RNF43: variants seen among roughly 807,000 people sequenced by gnomAD.
The protein encoded by RNF43 is E3 ubiquitin-protein ligase RNF43.
Under a neutral mutation model 78.4 loss-of-function variants are expected in RNF43, and 37 were observed. The observed-to-expected ratio is 0.47, with a 90% confidence interval of 0.36 to 0.62. The LOEUF (loss-of-function observed/expected upper bound fraction) is 0.62. RNF43 is among the 20% of genes least tolerant of loss of function. The pLI is 0.00. For synonymous variants in RNF43, 347 were observed against 395.0 expected, an observed-to-expected ratio of 0.88 and a Z score of 1.44; for missense variants, 774 against 1,007.9, an observed-to-expected ratio of 0.77 and a Z score of 3.14.
rs763391386 is a variant in RNF43, at chr17:58,358,862, C to T, written c.953-39G>A. 109 of 1,451,452 alleles carry T rather than the reference C, an allele frequency of 7.5e-5. No individual in the cohort carries two copies. The highest frequency in any genetic ancestry group is 9.4e-5 in the Non-Finnish European group (104 of 1,105,424). 89.9% of individuals were successfully genotyped at this position (1,451,452 alleles called of 1,614,324 possible). A position where few individuals can be genotyped will look rare whatever the true frequency, so the allele number is the denominator to read the frequency against. On this transcript the variant is annotated intron_variant, in intron 8 of 9. Coordinates refer to ENST00000407977, the MANE Select transcript of RNF43 (RefSeq NM_017763.6). The surrounding 1 kb of genome is among the most constrained non-coding windows in gnomAD (Gnocchi z 6.2). ...CCAAGAGCACAGATGTTTAACTCTACAAACCTACAGAGAATGCATTCAGAA... is the reference window on the plus strand; with the variant it reads ...CCAAGAGCACAGATGTTTAACTCTATAAACCTACAGAGAATGCATTCAGAA...
chr17:58,372,932 G>C (rs1247466450), intron 2 of RNF43, among the ~76,000 whole-genome samples: 1 of 152,206 alleles, frequency 6.6e-6, no homozygotes, highest in Admixed American at 6.5e-5. Flanking sequence ...TGGCACGAAA[G>C]GGAAGGCAGG....
intron 4 of RNF43, 53 bp from the exon 5 acceptor site, chr17:58,363,459 T>C (rs2143471619): frequency 6.2e-7 from 1 of 1,613,548 alleles, no homozygotes; most frequent in Middle Eastern, 1.7e-4. Context: ...TGCCCTTCCC[T>C]CTCCCCTGAG....
chr17:58,392,509 G>A (rs1250299051), intron 2 of RNF43, among the ~76,000 whole-genome samples: 5 of 152,138 alleles, frequency 3.3e-5, no homozygotes, highest in South Asian at 2.1e-4. Context: ...CAACTAAGAT[G>A]TATAAATCTA....
At position 58,358,859 on chromosome 17, in the gene RNF43, C is replaced by T. The variant is rs1053558307; in HGVS notation, c.953-36G>A. Reference sequence around the variant, plus strand: ...GAACCAAGAGCACAGATGTTTAACTCTACAAACCTACAGAGAATGCATTCA... The same window carrying T: ...GAACCAAGAGCACAGATGTTTAACTTTACAAACCTACAGAGAATGCATTCA... On this transcript the variant is annotated intron_variant, in intron 8 of 9. Coordinates refer to ENST00000407977, the MANE Select transcript of RNF43 (RefSeq NM_017763.6). The surrounding 1 kb of genome is among the most constrained non-coding windows in gnomAD (Gnocchi z 6.2). 6.9e-7 allele frequency: 1 copy of T among 1,451,630 alleles called. No homozygotes were observed. The highest frequency in any genetic ancestry group is 1.4e-5 in the African/African-American group (1 of 70,164). 89.9% of individuals were successfully genotyped at this position (1,451,630 alleles called of 1,614,324 possible).
rs1474428175 is a variant in RNF43 at position 58,357,257 on chromosome 17, C to A, written c.2308+211G>T. 1 of 742,584 alleles carries A rather than the reference C, an allele frequency of 1.3e-6. No individual in the cohort carries two copies. The highest frequency in any genetic ancestry group is 1.7e-5 in the African/African-American group (1 of 57,902). The allele number at this position is 742,584 out of a possible 1,614,324, so 46.0% of individuals were successfully genotyped here. A position where few individuals can be genotyped will look rare whatever the true frequency, so the allele number is the denominator to read the frequency against. The stretch of plus-strand genomic sequence containing the variant: ...CTCCCTGGGACCTCCCTGTGATCTG[C>A]CAACTAAAGGGGTAGCACCTGGCAG... On this transcript the variant is annotated intron_variant, in intron 9 of 9. Coordinates refer to ENST00000407977, the MANE Select transcript of RNF43 (RefSeq NM_017763.6). The surrounding 1 kb of genome is among the most constrained non-coding windows in gnomAD (Gnocchi z 4.5).
Position 58,415,626 on chromosome 17 carries a change from G to A in RNF43, c.-49C>T, listed in dbSNP as rs1974108221. On this transcript the variant is annotated 5_prime_UTR_variant, in exon 2 of 10. Transcript: ENST00000407977. ...TCAACCATACATACTGCTTCCACTAGCTAATACCAAATGCAGGTTCTCAGA... is the reference window on the plus strand; with the variant it reads ...TCAACCATACATACTGCTTCCACTAACTAATACCAAATGCAGGTTCTCAGA... 5.0e-6 allele frequency: 8 copies of A among 1,585,046 alleles called. No homozygotes were observed. The highest frequency in any genetic ancestry group is 6.8e-6 in the Non-Finnish European group (8 of 1,169,108).
At chr17:58,371,064 G>A (rs2143517037) in intron 2 of RNF43, 31 bp from the exon 3 acceptor site, 3 of 1,534,430 alleles carry the variant, frequency 2.0e-6, no homozygotes, top group Non-Finnish European at 2.6e-6. Context: ...GGGTTAGGGA[G>A]GCTTTAGGCA....
Position 58,357,040 on chromosome 17 carries a change from C to T in RNF43, c.2308+428G>A, listed in dbSNP as rs1044648319. 1.7e-6 allele frequency: 1 copy of T among 600,498 alleles called. No homozygotes were observed. The highest frequency in any genetic ancestry group is 3.0e-6 in the Non-Finnish European group (1 of 336,564). The allele number at this position is 600,498 out of a possible 1,614,324, so 37.2% of individuals were successfully genotyped here. A position where few individuals can be genotyped will look rare whatever the true frequency, so the allele number is the denominator to read the frequency against. On this transcript the variant is annotated intron_variant, in intron 9 of 9. Transcript: ENST00000407977. The surrounding 1 kb of genome is among the most constrained non-coding windows in gnomAD (Gnocchi z 4.5). ...TCCTGAGTAGCTGGGATTATAAGTG[C>T]CCGCCACCATACCCGGCTAATTTTT...
At chr17:58,376,370 T>TAA (rs11381216) in intron 2 of RNF43, among the ~76,000 whole-genome samples, 88 of 151,632 alleles carry the variant, frequency 5.8e-4, no homozygotes, top group African/African-American at 1.1e-3. Context: ...TTAGATTTGA[T>TAA]AAAAAAAATA....
chr17:58,360,776 G>A lies in RNF43; in HGVS notation c.849+7C>T, dbSNP rs1179455206. The A allele has an allele frequency of 6.2e-7, 1 of 1,607,230 alleles. No homozygotes were observed. On this transcript the variant is annotated splice_region_variant and intron_variant, in intron 7 of 9. Coordinates refer to ENST00000407977, the MANE Select transcript of RNF43 (RefSeq NM_017763.6). This position sits in a 1 kb window ranked among gnomAD's most constrained non-coding sequence, Gnocchi z 4.3. ...GTCATGGAGGTGAACCACAAGACCT[G>A]CCTTACCTGCCCCTCAGAGAACTCC...
intron 2 of RNF43, among the ~76,000 whole-genome samples, chr17:58,375,598 C>T (rs1320265116): frequency 6.6e-6 from 1 of 152,118 alleles, no homozygotes; most frequent in African/African-American, 2.4e-5. Flanking sequence ...AGTCTATAAC[C>T]AGATAATTGA....
In RNF43 at chr17:58,370,942, G is replaced by A. The variant is rs200696996; in HGVS notation, c.344C>T (p.Ala115Val). ...SIVKLESPRRAPRPCLSLASK... is the reference protein window; with the variant it reads ...SIVKLESPRRVPRPCLSLASK... ...AGCCAGTGACAGGCAGGGGCGGGGG[G>A]CCCGTCGAGGACTCTCCAGCTTGAC... is the stretch of plus-strand genomic sequence containing the variant. The change falls in exon 3 of 10, where the codon GCC (alanine) becomes GTC (valine). Residue 115 changes from alanine (A) to valine (V), a missense_variant. By Grantham distance (64) the Ala-to-Val change is moderately conservative. Transcript: ENST00000407977. 12 of 1,608,340 alleles carry A rather than the reference G, an allele frequency of 7.5e-6. No individual in the cohort carries two copies. Among genetic ancestry groups the A allele is most frequent in the African/African-American group, 2.7e-5 (2 of 74,852 alleles).
intron 2 of RNF43, among the ~76,000 whole-genome samples, chr17:58,371,872 A>G (rs1973103772): frequency 6.6e-6 from 1 of 152,216 alleles, no homozygotes. Context: ...CTCCTCATCA[A>G]AGGGGTGAGA....
intron 2 of RNF43, among the ~76,000 whole-genome samples, chr17:58,398,947 G>A (rs552925795): frequency 5.5e-4 from 83 of 152,278 alleles, no homozygotes; most frequent in African/African-American, 1.9e-3. Flanking sequence ...AAGTGCCTTC[G>A]GAGAAGAAGG....
rs747686258 is a variant in RNF43, at chr17:58,358,611, G to A, written c.1165C>T (p.Arg389Cys). ...QEPGMGPRHHRFPRAAHPRAP... is the reference protein window; with the variant it reads ...QEPGMGPRHHCFPRAAHPRAP... ...CGGGGATGTGCAGCTCTGGGGAAGCGGTGATGCCGAGGGCCCATGCCTGGC... is the reference window on the plus strand; with the variant it reads ...CGGGGATGTGCAGCTCTGGGGAAGCAGTGATGCCGAGGGCCCATGCCTGGC... The change falls in exon 9 of 10, where the codon CGC becomes TGC. Residue 389 changes from arginine (R) to cysteine (C), a missense_variant. Transcript: ENST00000407977. This position sits in a 1 kb window ranked among gnomAD's most constrained non-coding sequence, Gnocchi z 6.2. The A allele has an allele frequency of 7.0e-6, 11 of 1,566,228 alleles. No homozygotes were observed. The highest frequency in any genetic ancestry group is 4.1e-5 in the African/African-American group (3 of 74,058).
intron 2 of RNF43, among the ~76,000 whole-genome samples, chr17:58,405,744 AAG>A (rs1973896928): frequency 6.6e-6 from 1 of 151,496 alleles, no homozygotes; most frequent in South Asian, 2.1e-4. Context: ...GAAAGAAAGA[AAG>A]AAAGAAAGAA....
chr17:58,354,360 C>A lies in RNF43; in HGVS notation c.*583G>T. The A allele has an allele frequency of 9.5e-6, 2 of 209,782 alleles. No individual in the cohort carries two copies. The highest frequency in any genetic ancestry group is 1.5e-4 in the East Asian group (2 of 13,688). 13.0% of individuals were successfully genotyped at this position (209,782 alleles called of 1,614,324 possible). A position where few individuals can be genotyped will look rare whatever the true frequency, so the allele number is the denominator to read the frequency against. On this transcript the variant is annotated 3_prime_UTR_variant, in exon 10 of 10. Transcript: ENST00000407977. Reference sequence around the variant, plus strand: ...CACTATAGTGGGAAAGCTTCAGGGACCCCTCCTTTTAGTGCTCAGGGCTCA... The same window carrying A: ...CACTATAGTGGGAAAGCTTCAGGGAACCCTCCTTTTAGTGCTCAGGGCTCA...
rs1485154146 is a variant in RNF43 at position 58,357,853 on chromosome 17, G to A, written c.1923C>T (p.Asn641=). ...SICPSTSSLF[N]LQKSSLSARH... ...GGGCAGAGAGGCTGGATTTTTGCAA[G>A]TTGAACAGACTGCTGGTACTGGGGC... is the stretch of plus-strand genomic sequence containing the variant. The change falls in exon 9 of 10, where the codon AAC becomes AAT. Residue 641 remains asparagine, a synonymous_variant. Transcript: ENST00000407977. The surrounding 1 kb of genome is among the most constrained non-coding windows in gnomAD (Gnocchi z 4.5). 6.2e-7 allele frequency: 1 copy of A among 1,614,080 alleles called. No homozygotes were observed. Among genetic ancestry groups the A allele is most frequent in the African/African-American group, 1.3e-5 (1 of 74,920 alleles).
chr17:58,395,839 A>T (rs1973668168), intron 2 of RNF43, among the ~76,000 whole-genome samples: 1 of 152,188 alleles, frequency 6.6e-6, no homozygotes, highest in South Asian at 2.1e-4. Context: ...ATAGAGAAAA[A>T]TCACAGATGC....
Sources: allele counts gnomAD v4.1 joint callset (sites outside exome capture counted in the v4.1 genomes callset), GRCh38; gene constraint gnomAD v4.1.1; non-coding constraint Gnocchi (gnomAD v3.1); transcripts MANE v1.5; gene names NCBI Gene and HGNC (gene_info 2026-07-23, HGNC 2026-07-21).